The following HSD17B11 variants were observed in gnomAD, a reference collection of about 807,000 sequenced individuals.
HSD17B11 encodes the protein estradiol 17-beta-dehydrogenase 11.
Under a neutral mutation model 27.8 loss-of-function variants are expected in HSD17B11, and 22 were observed. The ratio of observed to expected loss-of-function variants is 0.79; its 90% CI spans 0.56 to 1.13. The LOEUF is 1.13. Among genes scored for constraint, HSD17B11 ranks in the 50% most tolerant of loss-of-function variants. The pLI, the probability that HSD17B11 is intolerant of heterozygous loss-of-function variation, is 0.00. For missense variants in HSD17B11, 314 were observed against 351.1 expected (o/e 0.89, Z 0.84); for synonymous variants, 117 against 132.8 (o/e 0.88, Z 0.82).
At chr4:87,378,055 A>G (rs1735876721) in intron 2 of HSD17B11, among the ~76,000 whole-genome samples, 1 of 152,104 alleles carries the variant, frequency 6.6e-6, no homozygotes. Flanking sequence ...AAGACAAGCC[A>G]CCCCAAACAG....
chr4:87,372,777 G>C lies in HSD17B11; in HGVS notation c.489C>G (p.Asn163Lys). ...KAFLPAMTKN[N>K]HGHIVTVASA... is the part of the protein sequence containing the mutation. The stretch of plus-strand genomic sequence containing the variant: ...AAGCCACAGTGACAATATGGCCATG[G>C]TTATTCTTCGTCATTGCAGGAAGAA... Residue 163 changes from asparagine to lysine, a missense_variant, in exon 4 of 7, where the codon AAC becomes AAG. Physicochemically the swap from Asn to Lys is moderately conservative, Grantham distance 94 (BLOSUM62 0). Transcript: ENST00000358290. 1.2e-6 allele frequency: 2 copies of C among 1,613,692 alleles called. No individual in the cohort carries two copies. Among genetic ancestry groups the C allele is most frequent in the Non-Finnish European group, 1.7e-6 (2 of 1,179,658 alleles).
At chr4:87,361,939 T>G (rs903351183) in intron 4 of HSD17B11, among the ~76,000 whole-genome samples, 4 of 152,178 alleles carry the variant, frequency 2.6e-5, no homozygotes, top group Non-Finnish European at 5.9e-5. Flanking sequence ...TGGCTACCTT[T>G]GGGTAAGTGT....
At chr4:87,390,422 C>G (rs1431358668) in intron 1 of HSD17B11, among the ~76,000 whole-genome samples, 1 of 152,240 alleles carries the variant, frequency 6.6e-6, no homozygotes, top group Non-Finnish European at 1.5e-5. Flanking sequence ...TCCCAAAGTG[C>G]TGGGATTACA....
At chr4:87,372,897 A>G (rs962760263) in intron 3 of HSD17B11, 82 bp from the exon 4 acceptor site, 7 of 850,044 alleles carry the variant, frequency 8.2e-6, no homozygotes, top group African/African-American at 3.5e-5. Flanking sequence ...AAACAAAAGT[A>G]TATTTTTTAA....
chr4:87,389,943 T>A (rs1720413388), intron 1 of HSD17B11, among the ~76,000 whole-genome samples: 1 of 152,108 alleles, frequency 6.6e-6, no homozygotes, highest in African/African-American at 2.4e-5. Context: ...GTATCACAGG[T>A]CAAACGTGGT....
At chr4:87,355,613 C>G (rs1301143219) in intron 5 of HSD17B11, among the ~76,000 whole-genome samples, 1 of 152,016 alleles carries the variant, frequency 6.6e-6, no homozygotes, top group Non-Finnish European at 1.5e-5. Context: ...TTAAAAATCT[C>G]TAGAGCTCAG....
chr4:87,336,605 A>G lies in HSD17B11; in HGVS notation c.*671T>C, dbSNP rs1162527002. 1 of 152,284 alleles carries G rather than the reference A, an allele frequency of 6.6e-6. No individual in the cohort carries two copies. The highest frequency in any genetic ancestry group is 1.5e-5 in the Non-Finnish European group (1 of 68,052). 9.4% of individuals were successfully genotyped at this position (152,284 alleles called of 1,614,324 possible). ...TTTAAGACAAAAAGATGGAAACACC[A>G]AAAGTTTAAGTGTGATCCATTTATT... On this transcript the variant is annotated 3_prime_UTR_variant, in exon 7 of 7. Coordinates refer to ENST00000358290, the MANE Select transcript of HSD17B11 (RefSeq NM_016245.5).
intron 4 of HSD17B11, among the ~76,000 whole-genome samples, chr4:87,369,432 C>CT (rs764707419): frequency 0.13 from 18,455 of 141,018 alleles, 1,256 homozygotes; most frequent in East Asian, 0.31. Context: ...ATTCCAAATT[C>CT]TTTTTTTTTT....
intron 1 of HSD17B11, among the ~76,000 whole-genome samples, chr4:87,384,826 T>G (rs903597882): frequency 2.0e-5 from 3 of 150,032 alleles, no homozygotes; most frequent in Non-Finnish European, 4.4e-5. Flanking sequence ...CTTTTTGCCC[T>G]TTGAAGCATG....
intron 2 of HSD17B11, among the ~76,000 whole-genome samples, chr4:87,379,384 T>C (rs111460183): frequency 0.039 from 5,868 of 150,646 alleles, 414 homozygotes; most frequent in African/African-American, 0.14. Flanking sequence ...AACGCATTCT[T>C]GCTTGTACCT....
Position 87,374,840 on chromosome 4 carries a change from A to G in HSD17B11, c.319-10T>C, listed in dbSNP as rs532027085. Reference sequence around the variant, plus strand: ...CAATTTCTGCCTTCACCTTCAAAAAATAAAATAAGAAAAGTAAATTCATTA... The same window carrying G: ...CAATTTCTGCCTTCACCTTCAAAAAGTAAAATAAGAAAAGTAAATTCATTA... On this transcript the variant is annotated splice_polypyrimidine_tract_variant and intron_variant, in intron 2 of 6. Transcript: ENST00000358290. 5 of 1,551,334 alleles carry G rather than the reference A, an allele frequency of 3.2e-6. No individual in the cohort carries two copies. The highest frequency in any genetic ancestry group is 4.4e-6 in the Non-Finnish European group (5 of 1,145,336).
At chr4:87,361,595 G>C (rs1180657280) in intron 4 of HSD17B11, among the ~76,000 whole-genome samples, 1 of 151,984 alleles carries the variant, frequency 6.6e-6, no homozygotes, top group Non-Finnish European at 1.5e-5. Flanking sequence ...GTGAAACCCC[G>C]TCTCTACTAA....
At chr4:87,356,942 T>A (rs996600548) in intron 5 of HSD17B11, among the ~76,000 whole-genome samples, 2 of 152,100 alleles carry the variant, frequency 1.3e-5, no homozygotes, top group Non-Finnish European at 2.9e-5. Flanking sequence ...ACCCAGTAAG[T>A]CAACATATCT....
At chr4:87,345,790 G>A (rs753352395) in intron 5 of HSD17B11, among the ~76,000 whole-genome samples, 2 of 152,080 alleles carry the variant, frequency 1.3e-5, no homozygotes, top group Non-Finnish European at 2.9e-5. Flanking sequence ...TTTAATAAGA[G>A]ATTGAATCAG....
rs115823947 is a variant in HSD17B11 at position 87,339,911 on chromosome 4, G to A, written c.812+579C>T. Among the ~76,000 whole-genome samples the A allele has an allele frequency of 2.7e-3, 411 of 152,210 alleles. 3 individuals are homozygous for A. The highest frequency in any genetic ancestry group is 8.5e-3 in the African/African-American group (352 of 41,540). ...AAATGCTTCTCAAATTTTAATATGCGTACAAATCATCTAGGAGAACTTATT... is the reference window on the plus strand; with the variant it reads ...AAATGCTTCTCAAATTTTAATATGCATACAAATCATCTAGGAGAACTTATT... On this transcript the variant is annotated intron_variant, in intron 6 of 6. Transcript: ENST00000358290.
intron 1 of HSD17B11, chr4:87,386,831 A>G (rs1462087961): frequency 3.9e-5 from 6 of 152,172 alleles, no homozygotes; most frequent in Non-Finnish European, 7.3e-5. Context: ...CTTTGAGCAT[A>G]TATTATATGC....
At chr4:87,371,655 A>G (rs971863213) in intron 4 of HSD17B11, among the ~76,000 whole-genome samples, 3 of 152,234 alleles carry the variant, frequency 2.0e-5, no homozygotes, top group African/African-American at 7.2e-5. Flanking sequence ...GTTAATAACA[A>G]TATCTGATAA....
At chr4:87,387,392 GC>G (rs1175718084) in intron 1 of HSD17B11, among the ~76,000 whole-genome samples, 1 of 152,090 alleles carries the variant, frequency 6.6e-6, no homozygotes, top group Non-Finnish European at 1.5e-5. Flanking sequence ...AGGTGAAAGG[GC>G]CCTCCGTTTG....
intron 1 of HSD17B11, among the ~76,000 whole-genome samples, chr4:87,387,872 G>C (rs185209505): frequency 6.6e-6 from 1 of 151,944 alleles, no homozygotes; most frequent in Admixed American, 6.6e-5. Context: ...CTGCCAACCC[G>C]GTTCAATAGT....
Sources: gnomAD v4.1 joint callset for allele counts (sites outside exome capture counted in the v4.1 genomes callset) on GRCh38, gnomAD v4.1.1 for gene constraint, MANE v1.5 for transcripts, NCBI Gene and HGNC (gene_info 2026-07-23, HGNC 2026-07-21) for gene names.